CCDC141: variants seen among roughly 807,000 people sequenced by gnomAD.
The protein encoded by CCDC141 is coiled-coil domain containing 141, also known as coiled-coil domain-containing protein 141.
Under a neutral mutation model 181.0 loss-of-function variants are expected in CCDC141, and 168 were observed. The observed-to-expected ratio is 0.93, with a 90% CI of 0.82 to 1.05. The LOEUF is 1.05. CCDC141 is among the 50% of genes least tolerant of loss of function. The pLI is 0.00. For synonymous variants in CCDC141, 666 were observed against 642.3 expected (o/e 1.04, Z -0.56); for missense variants, 1,902 against 1,788.5 (o/e 1.06, Z -1.14).
chr2:178,910,339 C>T (rs1436780988), intron 7 of CCDC141, among the ~76,000 whole-genome samples: 1 of 152,184 alleles, frequency 6.6e-6, no homozygotes, highest in East Asian at 1.9e-4. Flanking sequence ...ACACGAACAA[C>T]AACAGAAAGA....
chr2:178,962,455 TCA>T (rs774315008), intron 4 of CCDC141, among the ~76,000 whole-genome samples: 1 of 152,174 alleles, frequency 6.6e-6, no homozygotes, highest in African/African-American at 2.4e-5. Context: ...CTCTCTGTCC[TCA>T]CCATGGAAAG....
intron 2 of CCDC141, among the ~76,000 whole-genome samples, chr2:179,015,714 CATATCTCATAT>C (rs1260959731): frequency 1.0e-4 from 13 of 128,026 alleles, no homozygotes; most frequent in African/African-American, 3.2e-4. Flanking sequence ...ATATCTCATA[CATATCTCATAT>C]ATATCTCATA....
intron 8 of CCDC141, among the ~76,000 whole-genome samples, chr2:178,889,237 T>G (rs932673673): frequency 6.6e-6 from 1 of 152,106 alleles, no homozygotes; most frequent in African/African-American, 2.4e-5. Flanking sequence ...ATGCCTCACA[T>G]TATCATTTTT....
intron 2 of CCDC141, among the ~76,000 whole-genome samples, chr2:179,006,785 T>C (rs549482259): frequency 5.9e-5 from 9 of 152,320 alleles, no homozygotes; most frequent in South Asian, 2.1e-4. Context: ...GTAAAATTTG[T>C]TTTTGCCATT....
intron 11 of CCDC141, among the ~76,000 whole-genome samples, chr2:178,880,034 C>T (rs771486533): frequency 7.9e-5 from 12 of 152,044 alleles, no homozygotes; most frequent in South Asian, 2.1e-4. Flanking sequence ...TTGAAACTAC[C>T]GATAGATGAG....
At chr2:178,871,882 C>A (rs576884515) in intron 13 of CCDC141, among the ~76,000 whole-genome samples, 2 of 152,182 alleles carry the variant, frequency 1.3e-5, no homozygotes, top group South Asian at 4.1e-4. Flanking sequence ...TGTTTATCAT[C>A]CCAAACAGAA....
chr2:178,981,779 C>G (rs1394890714), intron 2 of CCDC141, among the ~76,000 whole-genome samples: 1 of 147,382 alleles, frequency 6.8e-6, no homozygotes, highest in African/African-American at 2.5e-5. Context: ...CTTAAGTAAA[C>G]AGAAGAAAAT....
In CCDC141 at chr2:178,944,588, A is replaced by G. The variant is rs1689654370; in HGVS notation, c.844T>C (p.Ser282Pro). The change falls in exon 6 of 24, where the codon TCA becomes CCA. Residue 282 changes from serine (S) to proline (P), a missense_variant. By Grantham distance (74) the Ser-to-Pro change is moderately conservative (BLOSUM62 -1). Coordinates refer to ENST00000443758, the MANE Select transcript of CCDC141 (RefSeq NM_173648.4). ...LQEQSLGSSL[S>P]DNEDRIHKQE... ...TTATGAATTCGATCCTCATTGTCTGAAAGTGATGAACCTAGACTTTGTTCC... is the reference window on the plus strand; with the variant it reads ...TTATGAATTCGATCCTCATTGTCTGGAAGTGATGAACCTAGACTTTGTTCC... 5.8e-6 allele frequency: 9 copies of G among 1,541,436 alleles called. No individual in the cohort carries two copies. Among genetic ancestry groups the G allele is most frequent in the Non-Finnish European group, 7.0e-6 (8 of 1,142,474 alleles).
chr2:178,869,345 G>T (rs1368775449), intron 14 of CCDC141, 40 bp from the exon 15 acceptor site: 3 of 1,485,118 alleles, frequency 2.0e-6, no homozygotes, highest in African/African-American at 2.8e-5. Context: ...TGCTATTAAA[G>T]AACTTTTTTA....
intron 2 of CCDC141, among the ~76,000 whole-genome samples, chr2:179,011,336 A>C (rs1468016641): frequency 6.6e-6 from 1 of 152,194 alleles, no homozygotes; most frequent in East Asian, 1.9e-4. Flanking sequence ...TATATCAGAC[A>C]AAACAAACTT....
intron 5 of CCDC141, among the ~76,000 whole-genome samples, chr2:178,956,965 C>A (rs900381542): frequency 9.9e-5 from 15 of 152,070 alleles, no homozygotes; most frequent in African/African-American, 3.4e-4. Flanking sequence ...CCACAAACTC[C>A]GCCTCCCAGG....
downstream of CCDC141, among the ~76,000 whole-genome samples, chr2:178,829,362 T>G (rs772549506): frequency 1.3e-5 from 2 of 152,078 alleles, no homozygotes; most frequent in Non-Finnish European, 2.9e-5. Context: ...GAAGGAAGAG[T>G]GAGCAGGCCA....
chr2:178,961,362 G>A lies in CCDC141; in HGVS notation c.648C>T (p.Ser216=), dbSNP rs201604173. 16 of 1,550,502 alleles carry A rather than the reference G, an allele frequency of 1.0e-5. No individual in the cohort carries two copies. Among genetic ancestry groups the A allele is most frequent in the Non-Finnish European group, 1.3e-5 (15 of 1,146,976 alleles). The part of the protein sequence containing the change: ...NPELTQGAHS[S]CLKVDRLLEL... Reference sequence around the variant, plus strand: ...CAAGAAGGCGGTCAACCTTCAGACAGCTGCTATGAGCTCCCTGAGTCAACT... The same window carrying A: ...CAAGAAGGCGGTCAACCTTCAGACAACTGCTATGAGCTCCCTGAGTCAACT... The change falls in exon 5 of 24, where the codon AGC becomes AGT. Residue 216 remains serine, a synonymous_variant. Transcript: ENST00000443758.
At chr2:178,902,163 G>T (rs1687727688) in intron 8 of CCDC141, among the ~76,000 whole-genome samples, 1 of 152,190 alleles carries the variant, frequency 6.6e-6, no homozygotes, top group East Asian at 1.9e-4. Context: ...TCAATATCAT[G>T]AAAATGGCCA....
intron 2 of CCDC141, among the ~76,000 whole-genome samples, chr2:178,984,129 C>T (rs1248416631): frequency 6.6e-6 from 1 of 152,082 alleles, no homozygotes; most frequent in Non-Finnish European, 1.5e-5. Context: ...GGCAGAAACC[C>T]TACGAGCCAG....
intron 8 of CCDC141, 108 bp downstream of exon 8, chr2:178,905,221 C>T: frequency 9.8e-7 from 1 of 1,015,700 alleles, no homozygotes; most frequent in Non-Finnish European, 1.4e-6. Context: ...TATCATAATG[C>T]AGCAAAACAT....
chr2:179,031,670 C>T (rs558861689), intron 2 of CCDC141, among the ~76,000 whole-genome samples: 1 of 152,194 alleles, frequency 6.6e-6, no homozygotes, highest in East Asian at 1.9e-4. Flanking sequence ...ATTACATATG[C>T]AGCTGACATT....
At chr2:179,036,166 T>A (rs2043139488) in intron 2 of CCDC141, among the ~76,000 whole-genome samples, 1 of 152,172 alleles carries the variant, frequency 6.6e-6, no homozygotes. Context: ...GTCAGGAGTG[T>A]CTTTTCTAAA....
chr2:178,959,601 G>A (rs1340386183), intron 5 of CCDC141, among the ~76,000 whole-genome samples: 3 of 152,206 alleles, frequency 2.0e-5, no homozygotes, highest in African/African-American at 7.2e-5. Flanking sequence ...ATGCTTTGGG[G>A]AATGAGCATG....
Sources: allele counts gnomAD v4.1 joint callset (sites outside exome capture counted in the v4.1 genomes callset), GRCh38; gene constraint gnomAD v4.1.1; transcripts MANE v1.5; gene names NCBI Gene and HGNC (gene_info 2026-07-23, HGNC 2026-07-21).